Variants in MCF2L observed in about 807,000 individuals in gnomAD.
The protein encoded by MCF2L is guanine nucleotide exchange factor DBS.
MCF2L carries 97 observed loss-of-function variants against 153.4 expected under a neutral mutation model. The observed-to-expected ratio is 0.63, with a 90% confidence interval of 0.54 to 0.75. MCF2L has a LOEUF of 0.75. MCF2L is among the 30% of genes least tolerant of loss of function. MCF2L has a pLI of 0.00. For synonymous variants in MCF2L, 659 were observed against 632.2 expected (o/e 1.04, Z -0.64); for missense variants, 1,347 against 1,495.2 (o/e 0.90, Z 1.64).
chr13:112,998,912 G>A (rs968430710), intron 1 of MCF2L, among the ~76,000 whole-genome samples: 4 of 152,250 alleles, frequency 2.6e-5, no homozygotes, highest in African/African-American at 9.6e-5. Flanking sequence ...TTGGTCAGCA[G>A]GGAGCTGGAA....
intron 26 of MCF2L, chr13:113,090,609 C>G: frequency 3.0e-6 from 3 of 985,462 alleles, no homozygotes; most frequent in Non-Finnish European, 3.6e-6. Flanking sequence ...GTCTAATGCC[C>G]TGCTCACCTG....
chr13:112,903,021 G>A (rs1389011754), intron 2 of MCF2L, among the ~76,000 whole-genome samples: 3 of 152,178 alleles, frequency 2.0e-5, no homozygotes, highest in African/African-American at 7.2e-5. Context: ...TCCTAGTTTT[G>A]CCTGCATTTA....
In MCF2L at chr13:112,932,333, A is replaced by G. The variant is rs1229348986; in HGVS notation, c.169+29962A>G. 6.6e-6 allele frequency among the ~76,000 whole-genome samples: 1 copy of G among 152,214 alleles called. No individual in the cohort carries two copies. The highest frequency in any genetic ancestry group is 1.5e-5 in the Non-Finnish European group (1 of 68,040). ...CAGAGTTCCAACAGAGGCTTCCAGT[A>G]TACCTGACCAGTAGCCCTCAAAACT... On this transcript the variant is annotated intron_variant, in intron 2 of 29. Transcript: ENST00000375608. This position sits in a 1 kb window ranked among gnomAD's most constrained non-coding sequence, Gnocchi z 4.6.
intron 1 of MCF2L, among the ~76,000 whole-genome samples, chr13:112,989,050 C>T (rs2082781438): frequency 8.4e-6 from 1 of 119,000 alleles, no homozygotes; most frequent in African/African-American, 3.2e-5. Flanking sequence ...CCTCCCTGAG[C>T]AGGACATGGA....
intron 2 of MCF2L, among the ~76,000 whole-genome samples, chr13:112,915,920 C>T (rs1006531462): frequency 2.6e-5 from 4 of 151,876 alleles, no homozygotes; most frequent in Non-Finnish European, 5.9e-5. Flanking sequence ...AAAAACAGGC[C>T]GGGCGCAGTG....
In MCF2L at chr13:113,027,822, C is replaced by T. The variant is rs111586333; in HGVS notation, c.278+3064C>T. Among the ~76,000 whole-genome samples, 24 of 152,282 alleles carry T rather than the reference C, an allele frequency of 1.6e-4. No homozygotes were observed. The highest frequency in any genetic ancestry group is 4.8e-4 in the African/African-American group (20 of 41,558). On this transcript the variant is annotated intron_variant, in intron 3 of 29. Coordinates refer to ENST00000535094, the MANE Select transcript of MCF2L (RefSeq NM_001112732.3). The surrounding 1 kb of genome is among the most constrained non-coding windows in gnomAD (Gnocchi z 4.8). The stretch of plus-strand genomic sequence containing the variant: ...GAAAGGGGATGGCTGGGCAGGGGAG[C>T]GCCCGAAGGCTCAGACCACATGGCC...
intron 1 of MCF2L, chr13:113,008,891 C>T (rs2083887556): frequency 6.6e-6 from 1 of 152,206 alleles, no homozygotes; most frequent in Non-Finnish European, 1.5e-5. Flanking sequence ...ATTCTTACGC[C>T]CGCCTGCATC....
At chr13:113,003,259 T>C (rs2083482200) in intron 1 of MCF2L, among the ~76,000 whole-genome samples, 1 of 145,650 alleles carries the variant, frequency 6.9e-6, no homozygotes, top group East Asian at 2.0e-4. Flanking sequence ...CCGTGGGTTT[T>C]GGGGTTGGCT....
Position 113,096,409 on chromosome 13 carries a change from G to C in MCF2L, c.3114G>C (p.Lys1038Asn), listed in dbSNP as rs1156664146. 1 of 1,594,806 alleles carries C rather than the reference G, an allele frequency of 6.3e-7. No individual in the cohort carries two copies. The change falls in exon 28 of 30, where the codon AAG becomes AAC. Residue 1038 changes from lysine (K) to asparagine (N), a missense_variant. By Grantham distance (94) the Lys-to-Asn change is moderately conservative (BLOSUM62 0). Transcript: ENST00000535094. ...ACACGGTCGTGGCGGACCACGAGAA[G>C]GGAGGCCCCGATGCGCTGCGCGTGA... ...GKYTVVADHE[K>N]GGPDALRVRS...
chr13:112,912,186 C>T (rs2081239608), intron 2 of MCF2L, among the ~76,000 whole-genome samples: 1 of 152,206 alleles, frequency 6.6e-6, no homozygotes, highest in Admixed American at 6.5e-5. Flanking sequence ...CCTGAACCAG[C>T]TCCAGGAGGA....
intron 4 of MCF2L, among the ~76,000 whole-genome samples, chr13:113,050,774 AG>A (rs2087246253): frequency 6.1e-4 from 2 of 3,294 alleles, no homozygotes; most frequent in East Asian, 0.017. Context: ...TGGCGGGGGG[AG>A]GGGGGCGGCA....
intron 3 of MCF2L, among the ~76,000 whole-genome samples, chr13:113,033,697 C>T (rs1393469960): frequency 6.6e-6 from 1 of 152,142 alleles, no homozygotes; most frequent in Non-Finnish European, 1.5e-5. Context: ...CTCTGGCTGG[C>T]CTGAGGCTGT....
chr13:113,097,111 G>A lies in MCF2L; in HGVS notation c.*252G>A, dbSNP rs1380452025. 2.1e-5 allele frequency: 7 copies of A among 341,174 alleles called. No homozygotes were observed. The East Asian group carries it at 3.2e-4, about 16-fold the overall frequency. 21.1% of individuals were successfully genotyped at this position (341,174 alleles called of 1,614,324 possible). On this transcript the variant is annotated 3_prime_UTR_variant, in exon 30 of 30. Coordinates refer to ENST00000535094, the MANE Select transcript of MCF2L (RefSeq NM_001112732.3). ...GGAACAGCCCCGGGCGGCAGGCGCC[G>A]GGCAGCGGCATCTCGTCCTGGCTCC...
upstream of MCF2L, chr13:112,965,677 G>C (rs531747201): frequency 6.6e-6 from 1 of 152,234 alleles, no homozygotes; most frequent in Non-Finnish European, 1.5e-5. Flanking sequence ...CCTAGCCTCG[G>C]GGTTGGCTCT....
chr13:113,055,959 A>C (rs2087735886), intron 4 of MCF2L, among the ~76,000 whole-genome samples: 1 of 152,162 alleles, frequency 6.6e-6, no homozygotes, highest in South Asian at 2.1e-4. Context: ...CCCGGAAGCC[A>C]TCAGCCTCCC....
At chr13:113,024,555 C>G (rs1168908004) in intron 2 of MCF2L, 89 bp from the exon 3 acceptor site, 1 of 747,998 alleles carries the variant, frequency 1.3e-6, no homozygotes, top group Non-Finnish European at 2.4e-6. Flanking sequence ...AACTGAAATA[C>G]TGGGTGCTGA....
intron 3 of MCF2L, chr13:113,044,902 G>C (rs2086714120): frequency 6.2e-7 from 1 of 1,612,574 alleles, no homozygotes; most frequent in Non-Finnish European, 8.5e-7. Flanking sequence ...TGCGCCATAA[G>C]ACTGTTTTGG....
At chr13:113,063,508 C>T (rs183567589) in intron 5 of MCF2L, among the ~76,000 whole-genome samples, 1,356 of 134,858 alleles carry the variant, frequency 0.01, 18 homozygotes, top group African/African-American at 0.035. Flanking sequence ...CTGCCCACAG[C>T]GTTCAGGCGC....
At chr13:113,077,258 G>T in intron 13 of MCF2L, 47 bp downstream of exon 13, 1 of 1,468,702 alleles carries the variant, frequency 6.8e-7, no homozygotes, top group Non-Finnish European at 9.0e-7. Context: ...ACCCTCGGGG[G>T]AGCCCCGGGC....
Sources: allele counts gnomAD v4.1 joint callset (sites outside exome capture counted in the v4.1 genomes callset), GRCh38; gene constraint gnomAD v4.1.1; non-coding constraint Gnocchi (gnomAD v3.1); transcripts MANE v1.5; gene names NCBI Gene and HGNC (gene_info 2026-07-23, HGNC 2026-07-21).